The following UGT2B4 variants were observed in gnomAD, a reference collection of about 807,000 sequenced individuals.
The protein encoded by UGT2B4 is UDP-glucuronosyltransferase 2B4.
UGT2B4 carries 49 observed loss-of-function variants against 49.8 expected under a neutral mutation model. The ratio of observed to expected loss-of-function variants is 0.98; its 90% CI spans 0.78 to 1.25. The LOEUF is 1.25. UGT2B4 is among the 50% of genes most tolerant of loss of function. UGT2B4 has a pLI of 0.00. For missense variants in UGT2B4, 729 were observed against 627.7 expected (o/e 1.16, Z -1.73); for synonymous variants, 246 against 217.7 (o/e 1.13, Z -1.14).
At chr4:69,499,333 A>C (rs777188706), upstream of UGT2B4, among the ~76,000 whole-genome samples, 30 of 152,164 alleles carry the variant, frequency 2.0e-4, no homozygotes, top group Non-Finnish European at 3.8e-4. Flanking sequence ...AACAATGTAT[A>C]TTCTGTTGTC....
At chr4:69,510,718 T>G (rs192207171) in intron 1 of UGT2B4, among the ~76,000 whole-genome samples, 6 of 152,216 alleles carry the variant, frequency 3.9e-5, no homozygotes, top group African/African-American at 1.4e-4. Context: ...AAGAGTATTT[T>G]GGGGAGTACT....
intron 1 of UGT2B4, among the ~76,000 whole-genome samples, chr4:69,504,213 AG>A (rs1355812884): frequency 1.3e-5 from 2 of 152,218 alleles, no homozygotes; most frequent in Non-Finnish European, 2.9e-5. Flanking sequence ...GTTCAGAACC[AG>A]GCTGAGGCTA....
upstream of UGT2B4, among the ~76,000 whole-genome samples, chr4:69,500,898 C>A (rs1234567826): frequency 6.6e-6 from 1 of 151,872 alleles, no homozygotes; most frequent in Non-Finnish European, 1.5e-5. Context: ...AGAGCAGCAG[C>A]TCAGGCATGT....
intron 1 of UGT2B4, among the ~76,000 whole-genome samples, chr4:69,507,730 A>G (rs1001751379): frequency 6.6e-6 from 1 of 152,196 alleles, no homozygotes; most frequent in Non-Finnish European, 1.5e-5. Flanking sequence ...AAAGACTTAA[A>G]TGTAAAACCC....
At position 69,487,695 on chromosome 4, in the gene UGT2B4, A is replaced by G. The variant is rs1489730615; in HGVS notation, c.1003-999T>C. Among the ~76,000 whole-genome samples, 40 of 152,262 alleles carry G rather than the reference A, an allele frequency of 2.6e-4. 1 individual carries two copies. In the South Asian group the frequency reaches 3.7e-3, roughly 14 times the overall value. On this transcript the variant is annotated intron_variant, in intron 3 of 5. Transcript: ENST00000305107. Reference sequence around the variant, plus strand: ...CAGTCCATACAACAAACCCCAAGACATAAGTTTACCTGTGTAACAAACCTC... The same window carrying G: ...CAGTCCATACAACAAACCCCAAGACGTAAGTTTACCTGTGTAACAAACCTC...
intron 1 of UGT2B4, among the ~76,000 whole-genome samples, chr4:69,513,141 A>G (rs1728649149): frequency 6.6e-6 from 1 of 152,126 alleles, no homozygotes; most frequent in Non-Finnish European, 1.5e-5. Flanking sequence ...GGGTGTTTTC[A>G]TCATAAAATC....
At chr4:69,488,413 T>A (rs1005992764) in intron 3 of UGT2B4, among the ~76,000 whole-genome samples, 1 of 150,510 alleles carries the variant, frequency 6.6e-6, no homozygotes, top group Non-Finnish European at 1.5e-5. Context: ...TAAAAAAAAA[T>A]AATTTACGGT....
intron 2 of UGT2B4, among the ~76,000 whole-genome samples, chr4:69,492,325 T>A (rs1385425080): frequency 6.6e-6 from 1 of 152,086 alleles, no homozygotes; most frequent in Non-Finnish European, 1.5e-5. Context: ...CAGAATGATT[T>A]AAATGCTTTA....
chr4:69,513,823 CTT>C (rs1728665993), intron 1 of UGT2B4, among the ~76,000 whole-genome samples: 1 of 151,892 alleles, frequency 6.6e-6, no homozygotes, highest in Non-Finnish European at 1.5e-5. Flanking sequence ...GTATTTTATT[CTT>C]TTTTGTGGCA....
chr4:69,511,812 T>A (rs1439871074), intron 1 of UGT2B4, among the ~76,000 whole-genome samples: 2 of 152,120 alleles, frequency 1.3e-5, no homozygotes, highest in Admixed American at 6.6e-5. Context: ...TTGGGAAGTT[T>A]TGATTACTAA....
upstream of UGT2B4, among the ~76,000 whole-genome samples, chr4:69,500,201 C>A (rs1728264374): frequency 6.6e-6 from 1 of 152,122 alleles, no homozygotes; most frequent in East Asian, 1.9e-4. Flanking sequence ...ACAACGAGAA[C>A]ACGTGGACAC....
intron 3 of UGT2B4, 129 bp downstream of exon 3, chr4:69,489,310 A>C (rs1727907647): frequency 7.9e-7 from 1 of 1,266,938 alleles, no homozygotes. Context: ...TTTTGAATTA[A>C]TATCTGAGAT....
intron 1 of UGT2B4, among the ~76,000 whole-genome samples, chr4:69,509,010 A>G (rs565117457): frequency 6.6e-6 from 1 of 152,206 alleles, no homozygotes; most frequent in African/African-American, 2.4e-5. Flanking sequence ...CTGGAAGCCA[A>G]CATGCTACTC....
At position 69,480,759 on chromosome 4, in the gene UGT2B4, A is replaced by G; in HGVS notation, c.1462T>C (p.Tyr488His). 1 of 1,614,056 alleles carries G rather than the reference A, an allele frequency of 6.2e-7. No individual in the cohort carries two copies. Among genetic ancestry groups the G allele is most frequent in the Non-Finnish European group, 8.5e-7 (1 of 1,179,928 alleles). Residue 488 changes from tyrosine to histidine, a missense_variant, in exon 6 of 6, where the codon TAC becomes CAC. Transcript: ENST00000305107. ...AACCCAGTCACATCCAAAGAGTGGT[A>G]CTGGAACCAGGTGAGGTCGTGGGCT... ...VAAHDLTWFQYHSLDVTGFLL... is the reference protein window; with the variant it reads ...VAAHDLTWFQHHSLDVTGFLL...
chr4:69,486,171 A>C (rs1445058164), intron 4 of UGT2B4, among the ~76,000 whole-genome samples: 1 of 152,188 alleles, frequency 6.6e-6, no homozygotes, highest in Admixed American at 6.5e-5. Flanking sequence ...GTCACATTTC[A>C]TTATGAAATG....
chr4:69,498,543 C>T (rs1329558870), upstream of UGT2B4, among the ~76,000 whole-genome samples: 4 of 149,528 alleles, frequency 2.7e-5, no homozygotes, highest in African/African-American at 9.8e-5. Flanking sequence ...GTATTTATTA[C>T]TGCCTCCATT....
chr4:69,496,478 A>G (rs1728166531), upstream of UGT2B4, among the ~76,000 whole-genome samples: 1 of 152,236 alleles, frequency 6.6e-6, no homozygotes, highest in South Asian at 2.1e-4. Flanking sequence ...TAAAGATAAA[A>G]TAGCTAAATG....
intron 4 of UGT2B4, 137 bp downstream of exon 4, chr4:69,486,472 A>G: frequency 3.8e-6 from 2 of 527,994 alleles, no homozygotes; most frequent in Non-Finnish European, 6.1e-6. Context: ...CCGGGACTGG[A>G]AAATAAATAT....
Position 69,485,256 on chromosome 4 carries a change from G to T in UGT2B4, c.1262C>A (p.Ser421Ter), listed in dbSNP as rs180982040. The T allele has an allele frequency of 3.7e-6, 6 of 1,613,740 alleles. No individual in the cohort carries two copies. The highest frequency in any genetic ancestry group is 5.1e-6 in the Non-Finnish European group (6 of 1,179,908). ...CAGTGCATTGAGTAAGTCTGTACTCGACATTGTGTGGAAGTCCAAACTAAC... is the reference window on the plus strand; with the variant it reads ...CAGTGCATTGAGTAAGTCTGTACTCTACATTGTGTGGAAGTCCAAACTAAC... ...AAVSLDFHTM[S>*]STDLLNALKT... Residue 421 changes from serine to a stop codon, truncating the protein, a stop_gained, in exon 5 of 6, where the codon TCG (serine) becomes TAG (stop). Coordinates refer to ENST00000305107, the MANE Select transcript of UGT2B4 (RefSeq NM_021139.3). LOFTEE classifies it high-confidence loss of function.
Sources: allele counts gnomAD v4.1 joint callset (sites outside exome capture counted in the v4.1 genomes callset), GRCh38; gene constraint gnomAD v4.1.1; transcripts MANE v1.5; gene names NCBI Gene and HGNC (gene_info 2026-07-23, HGNC 2026-07-21).